Variants in ATP8A1 observed in about 807,000 individuals in gnomAD.
ATP8A1 encodes ATPase phospholipid transporting 8A1.
In ATP8A1, 90 loss-of-function variants were observed where a neutral mutation model predicts 177.7. That is an observed-to-expected ratio of 0.51 (90% confidence interval 0.43 to 0.60). ATP8A1 has a LOEUF of 0.60. Among genes scored for constraint, ATP8A1 ranks in the 20% least tolerant of loss-of-function variants. The probability of loss-of-function intolerance (pLI) is 0.00; values close to 1 mark genes in which losing one functional copy is unlikely to be tolerated. For synonymous variants in ATP8A1, 493 were observed against 485.9 expected (o/e 1.01, Z -0.19); for missense variants, 1,072 against 1,392.8 (o/e 0.77, Z 3.67).
intron 33 of ATP8A1, 68 bp downstream of exon 33, chr4:42,443,497 A>G (rs1716857841): frequency 4.1e-6 from 3 of 725,078 alleles, no homozygotes; most frequent in Non-Finnish European, 7.5e-6. Context: ...ATGCTAAACG[A>G]TTAAGGTTTG....
chr4:42,474,806 G>A (rs767759458), intron 25 of ATP8A1, among the ~76,000 whole-genome samples: 31 of 152,062 alleles, frequency 2.0e-4, no homozygotes, highest in Non-Finnish European at 4.3e-4. Flanking sequence ...ATTAATGCCT[G>A]TTAGAAACAA....
intron 10 of ATP8A1, among the ~76,000 whole-genome samples, chr4:42,581,416 A>T (rs1177755240): frequency 1.3e-5 from 2 of 152,188 alleles, no homozygotes; most frequent in African/African-American, 4.8e-5. Context: ...TACAGGCGTG[A>T]GCCACCGCGC....
At chr4:42,572,215 G>A (rs1236846714) in intron 14 of ATP8A1, among the ~76,000 whole-genome samples, 3 of 152,154 alleles carry the variant, frequency 2.0e-5, no homozygotes, top group Admixed American at 2.0e-4. Context: ...GGTTAAAAGT[G>A]CTCATACATA....
chr4:42,497,746 C>T (rs1723430733), intron 24 of ATP8A1, among the ~76,000 whole-genome samples: 1 of 152,134 alleles, frequency 6.6e-6, no homozygotes. Flanking sequence ...TGTCTTAAAT[C>T]CAGGAAAAGG....
chr4:42,619,591 T>C (rs1372874608), intron 4 of ATP8A1, among the ~76,000 whole-genome samples: 1 of 150,632 alleles, frequency 6.6e-6, no homozygotes, highest in Non-Finnish European at 1.5e-5. Context: ...ATTCTTACTA[T>C]ATTTTAATCT....
intron 5 of ATP8A1, among the ~76,000 whole-genome samples, chr4:42,610,598 A>AT (rs199761952): frequency 6.7e-6 from 1 of 148,544 alleles, no homozygotes; most frequent in Admixed American, 6.7e-5. Context: ...AAAAAAAAAA[A>AT]GTGAAAGACA....
intron 20 of ATP8A1, among the ~76,000 whole-genome samples, chr4:42,538,737 A>T (rs1278372274): frequency 2.0e-5 from 3 of 152,158 alleles, no homozygotes; most frequent in Non-Finnish European, 2.9e-5. Flanking sequence ...GAATGGCCAT[A>T]ATCAAAAACT....
intron 13 of ATP8A1, 69 bp downstream of exon 13, chr4:42,575,553 T>C (rs1459791027): frequency 7.8e-6 from 10 of 1,282,090 alleles, no homozygotes; most frequent in Non-Finnish European, 1.0e-5. Context: ...GCAGTTATCA[T>C]ATATGGCAGA....
rs1266595074 is a variant in ATP8A1, at chr4:42,578,329, A to G, written c.1059T>C (p.Asn353=). Residue 353 remains asparagine (N), a synonymous_variant, in exon 12 of 37, where the codon AAT becomes AAC. Coordinates refer to ENST00000381668, the MANE Select transcript of ATP8A1 (RefSeq NM_006095.2). ...TAACCAATAAGCTGATAGGAATGAG[A>G]TTGTTGAAAAGGATGATGAAGGTCA... The part of the protein sequence containing the change: ...NFLTFIILFN[N]LIPISLLVTL... 6.2e-7 allele frequency: 1 copy of G among 1,612,834 alleles called. No individual in the cohort carries two copies. The highest frequency in any genetic ancestry group is 2.2e-5 in the East Asian group (1 of 44,818).
intron 4 of ATP8A1, among the ~76,000 whole-genome samples, chr4:42,618,039 A>G (rs1168752911): frequency 6.6e-6 from 1 of 152,126 alleles, no homozygotes; most frequent in Non-Finnish European, 1.5e-5. Context: ...ATTTACTATC[A>G]CTGAGGGCTA....
At chr4:42,643,197 G>A (rs560016773) in intron 1 of ATP8A1, among the ~76,000 whole-genome samples, 1 of 152,188 alleles carries the variant, frequency 6.6e-6, no homozygotes, top group African/African-American at 2.4e-5. Context: ...CATAGCAATG[G>A]GGAACACGTA....
intron 1 of ATP8A1, among the ~76,000 whole-genome samples, chr4:42,650,570 C>A (rs531073381): frequency 6.6e-6 from 1 of 152,242 alleles, no homozygotes; most frequent in South Asian, 2.1e-4. Context: ...CTTTTGTTAC[C>A]TTTTATGTAA....
chr4:42,477,808 A>T (rs1721237687), intron 25 of ATP8A1, among the ~76,000 whole-genome samples: 1 of 139,378 alleles, frequency 7.2e-6, no homozygotes, highest in Non-Finnish European at 1.6e-5. Context: ...CCTGTCTCTA[A>T]AAAAAAAAAA....
chr4:42,616,469 T>C (rs994309628), intron 4 of ATP8A1, among the ~76,000 whole-genome samples: 2 of 152,222 alleles, frequency 1.3e-5, no homozygotes, highest in African/African-American at 2.4e-5. Context: ...GAATTATCTA[T>C]AATAACTACT....
In ATP8A1 at chr4:42,410,047, T is replaced by C. The variant is rs1221566766; in HGVS notation, c.*2869A>G. 2.0e-5 allele frequency: 3 copies of C among 152,192 alleles called. No individual in the cohort carries two copies. Among genetic ancestry groups the C allele is most frequent in the Admixed American group, 6.5e-5 (1 of 15,278 alleles). The allele number at this position is 152,192 out of a possible 1,614,324, so 9.4% of individuals were successfully genotyped here. On this transcript the variant is annotated 3_prime_UTR_variant, in exon 37 of 37. Transcript: ENST00000381668. ...GCAACACTGCTGAAGCAGTCTCACA[T>C]TAGAGCACAGAGTGGAGGTGGGAGG...
chr4:42,586,441 GTCAACGTCT>G lies in ATP8A1; in HGVS notation c.621_629del (p.Lys207_Asp210delinsAsn). The stretch of plus-strand genomic sequence containing the variant: ...TTCTGCCAGAAATCCTCATCAAACT[GTCAACGTCT>G]TTGATATCTGATGTTGCTGGTAAGC... On this transcript the variant is annotated inframe_deletion, in exon 9 of 37. Coordinates refer to ENST00000381668, the MANE Select transcript of ATP8A1 (RefSeq NM_006095.2). 6.2e-7 allele frequency: 1 copy of G among 1,614,042 alleles called. No homozygotes were observed. Among genetic ancestry groups the G allele is most frequent in the Non-Finnish European group, 8.5e-7 (1 of 1,179,954 alleles).
rs865849700 is a variant in ATP8A1, at chr4:42,657,092, C to A, written c.-219G>T. The A allele has an allele frequency of 7.1e-5, 29 of 407,736 alleles. No homozygotes were observed. The highest frequency in any genetic ancestry group is 4.6e-4 in the African/African-American group (22 of 48,314). 25.3% of individuals were successfully genotyped at this position (407,736 alleles called of 1,614,324 possible). A position where few individuals can be genotyped will look rare whatever the true frequency, so the allele number is the denominator to read the frequency against. On this transcript the variant is annotated 5_prime_UTR_variant, in exon 1 of 37. Transcript: ENST00000381668. ...GGCGAAGGTGGCGGCGCCCGCAGAG[C>A]TGGGCGAGCTCTTGCTGCAGCCGCG... is the stretch of plus-strand genomic sequence containing the variant.
At chr4:42,503,801 C>T (rs1435754643) in intron 23 of ATP8A1, among the ~76,000 whole-genome samples, 4 of 152,206 alleles carry the variant, frequency 2.6e-5, no homozygotes, top group African/African-American at 9.6e-5. Context: ...TTGTAATACA[C>T]TTCATGATAA....
intron 5 of ATP8A1, among the ~76,000 whole-genome samples, chr4:42,610,302 T>C (rs1736242072): frequency 6.6e-6 from 1 of 152,148 alleles, no homozygotes. Context: ...AATAAAGACT[T>C]TCTGAAGTAA....
Sources: gnomAD v4.1 joint callset for allele counts (sites outside exome capture counted in the v4.1 genomes callset) on GRCh38, gnomAD v4.1.1 for gene constraint, MANE v1.5 for transcripts, NCBI Gene and HGNC (gene_info 2026-07-23, HGNC 2026-07-21) for gene names.